The following BCAS3 variants were observed in gnomAD, a reference collection of about 807,000 sequenced individuals.
BCAS3 encodes the protein BCAS4/BCAS3 fusion.
In BCAS3, 53 loss-of-function variants were observed where a neutral mutation model predicts 116.1. That is an observed-to-expected ratio of 0.46 (90% CI 0.37 to 0.57). The LOEUF (loss-of-function observed/expected upper bound fraction) is 0.57, where lower values mean the gene tolerates loss of function less well. Among genes scored for constraint, BCAS3 ranks in the 20% least tolerant of loss-of-function variants. The probability of loss-of-function intolerance (pLI) is 0.00; values close to 1 mark genes in which losing one functional copy is unlikely to be tolerated. For missense variants in BCAS3, 917 were observed against 1,165.4 expected, an observed-to-expected ratio of 0.79 and a Z score of 3.10; for synonymous variants, 391 against 408.2, an observed-to-expected ratio of 0.96 and a Z score of 0.51.
intron 10 of BCAS3, among the ~76,000 whole-genome samples, chr17:60,890,387 G>C (rs528705382): frequency 1.3e-5 from 2 of 152,164 alleles, no homozygotes; most frequent in Non-Finnish European, 2.9e-5. Flanking sequence ...CTGGGAAGTG[G>C]AGGTTGTGGT....
rs1315403565 is a variant in BCAS3 at position 60,947,203 on chromosome 17, G to C, written c.1088-16G>C. On this transcript the variant is annotated splice_polypyrimidine_tract_variant and intron_variant, in intron 13 of 23. Transcript: ENST00000407086. ...ATAATCATTTTTATTTTTACCCTTT[G>C]TTTTTTGTCTTCCAGGAATGCTTCT... The C allele has an allele frequency of 6.2e-7, 1 of 1,601,710 alleles. No homozygotes were observed. The highest frequency in any genetic ancestry group is 1.3e-5 in the African/African-American group (1 of 74,398).
intron 22 of BCAS3, among the ~76,000 whole-genome samples, chr17:61,350,444 A>ATAAATAAG (rs1487131911): frequency 6.6e-6 from 1 of 151,090 alleles, no homozygotes; most frequent in Non-Finnish European, 1.5e-5. Context: ...AAATAAATAA[A>ATAAATAAG]TAAATAAATA....
intron 5 of BCAS3, among the ~76,000 whole-genome samples, chr17:60,734,443 T>C (rs2040767721): frequency 6.6e-6 from 1 of 152,218 alleles, no homozygotes; most frequent in Non-Finnish European, 1.5e-5. Context: ...TATATTATTT[T>C]TTGAGTTTTA....
Position 61,211,400 on chromosome 17 carries a change from A to T in BCAS3, c.2425+126836A>T, listed in dbSNP as rs2081450903. Among the ~76,000 whole-genome samples the T allele has an allele frequency of 6.6e-6, 1 of 152,170 alleles. No individual in the cohort carries two copies. The highest frequency in any genetic ancestry group is 1.5e-5 in the Non-Finnish European group (1 of 68,032). On this transcript the variant is annotated intron_variant, in intron 22 of 23. Coordinates refer to ENST00000407086, the MANE Select transcript of BCAS3 (RefSeq NM_017679.5). The surrounding 1 kb of genome is among the most constrained non-coding windows in gnomAD (Gnocchi z 4.4). Reference sequence around the variant, plus strand: ...TGTGTCCCTTTTGACTTCTTTTGTCATGTCTCTAGTGCAGATTTCCCAGCT... The same window carrying T: ...TGTGTCCCTTTTGACTTCTTTTGTCTTGTCTCTAGTGCAGATTTCCCAGCT...
At chr17:61,329,147 C>T (rs544836265) in intron 22 of BCAS3, among the ~76,000 whole-genome samples, 29 of 151,580 alleles carry the variant, frequency 1.9e-4, no homozygotes, top group Non-Finnish European at 3.1e-4. Flanking sequence ...CAGCCCGCCT[C>T]GGCCTCCCAA....
At position 61,227,689 on chromosome 17, in the gene BCAS3, C is replaced by G. The variant is rs1251887501; in HGVS notation, c.2426-140638C>G. Among the ~76,000 whole-genome samples, 2 of 152,210 alleles carry G rather than the reference C, an allele frequency of 1.3e-5. No individual in the cohort carries two copies. Among genetic ancestry groups the G allele is most frequent in the Non-Finnish European group, 2.9e-5 (2 of 68,040 alleles). ...CACCAGCCCATCAGGTTGGAGCACA[C>G]TCGGGAAAGTTCTTGCTACTCCGAA... On this transcript the variant is annotated intron_variant, in intron 22 of 23. Coordinates refer to ENST00000407086, the MANE Select transcript of BCAS3 (RefSeq NM_017679.5). This position sits in a 1 kb window ranked among gnomAD's most constrained non-coding sequence, Gnocchi z 6.1.
rs575020364 is a variant in BCAS3, at chr17:60,739,503, C to T, written c.322-7695C>T. Among the ~76,000 whole-genome samples, 4 of 152,092 alleles carry T rather than the reference C, an allele frequency of 2.6e-5. No individual in the cohort carries two copies. The East Asian group carries it at 5.8e-4, about 22-fold the overall frequency. On this transcript the variant is annotated intron_variant, in intron 5 of 23. Transcript: ENST00000407086. ...GGTGTAGGGGCAGGCACCTGTAATACCTGCTACTTGGGAGGCTGAGGCAGG... is the reference window on the plus strand; with the variant it reads ...GGTGTAGGGGCAGGCACCTGTAATATCTGCTACTTGGGAGGCTGAGGCAGG...
chr17:60,996,587 G>A (rs931438529), intron 15 of BCAS3, among the ~76,000 whole-genome samples: 3 of 152,148 alleles, frequency 2.0e-5, no homozygotes, highest in Admixed American at 6.5e-5. Flanking sequence ...TTAATATGAT[G>A]TCTTTTTGAC....
intron 22 of BCAS3, among the ~76,000 whole-genome samples, chr17:61,123,475 A>C (rs1048933683): frequency 6.6e-6 from 1 of 152,158 alleles, no homozygotes; most frequent in Admixed American, 6.5e-5. Flanking sequence ...AATAATGATA[A>C]TATATACTAT....
chr17:60,946,658 T>G (rs2060516025), intron 13 of BCAS3, among the ~76,000 whole-genome samples: 1 of 152,118 alleles, frequency 6.6e-6, no homozygotes, highest in Non-Finnish European at 1.5e-5. Context: ...GCCTGTAATC[T>G]CAGAGCTTTG....
intron 12 of BCAS3, among the ~76,000 whole-genome samples, chr17:60,921,928 A>G (rs968634299): frequency 5.9e-5 from 9 of 152,180 alleles, no homozygotes; most frequent in African/African-American, 9.6e-5. Context: ...CATTCACGAT[A>G]AAAGGGTCAA....
intron 6 of BCAS3, among the ~76,000 whole-genome samples, chr17:60,795,272 C>G (rs1239660796): frequency 1.3e-5 from 2 of 152,108 alleles, no homozygotes; most frequent in Non-Finnish European, 1.5e-5. Flanking sequence ...AATTTTATAT[C>G]CGGAAACTTT....
rs1485790481 is a variant in BCAS3, at chr17:61,056,847, T to A, written c.2029+15955T>A. Among the ~76,000 whole-genome samples, 1 of 152,222 alleles carries A rather than the reference T, an allele frequency of 6.6e-6. No individual in the cohort carries two copies. Among genetic ancestry groups the A allele is most frequent in the Non-Finnish European group, 1.5e-5 (1 of 68,032 alleles). ...TGCATCCATGCACAGATTTTTTCTC[T>A]CCAGTTATGGAAAACCTCATAGTTG... On this transcript the variant is annotated intron_variant, in intron 19 of 23. Coordinates refer to ENST00000407086, the MANE Select transcript of BCAS3 (RefSeq NM_017679.5). The surrounding 1 kb of genome is among the most constrained non-coding windows in gnomAD (Gnocchi z 4.9).
At chr17:61,157,702 C>T (rs1251182719) in intron 22 of BCAS3, among the ~76,000 whole-genome samples, 1 of 150,814 alleles carries the variant, frequency 6.6e-6, no homozygotes. Context: ...GGCTCGCCAG[C>T]AGGGCGCCAG....
chr17:60,809,142 A>G (rs1219291277), intron 7 of BCAS3, among the ~76,000 whole-genome samples: 1 of 151,852 alleles, frequency 6.6e-6, no homozygotes, highest in Admixed American at 6.6e-5. Context: ...AAATTAGCCC[A>G]GTGTGGTGGC....
Position 61,322,838 on chromosome 17 carries a change from G to GAGAGAGAGAGAGAGAC in BCAS3, c.2426-45474_2426-45473insCAGAGAGAGAGAGAGA, listed in dbSNP as rs1568850707. ...AGAGAGAGAGAGAGAGACAGAGAGA[G>GAGAGAGAGAGAGAGAC]AGAGAGAGAGAGAGAGACAGAGAGA... is the stretch of plus-strand genomic sequence containing the variant. On this transcript the variant is annotated intron_variant, in intron 22 of 23. Coordinates refer to ENST00000407086, the MANE Select transcript of BCAS3 (RefSeq NM_017679.5). Among the ~76,000 whole-genome samples the GAGAGAGAGAGAGAGAC allele has an allele frequency of 9.4e-4, 131 of 139,144 alleles. 2 individuals are homozygous for GAGAGAGAGAGAGAGAC. The highest frequency in any genetic ancestry group is 6.7e-3 in the East Asian group (33 of 4,928). The allele number at this position is 139,144 out of a possible 152,430, so 91.3% of individuals were successfully genotyped here.
intron 13 of BCAS3, among the ~76,000 whole-genome samples, chr17:60,941,935 T>G (rs2060244818): frequency 6.6e-6 from 1 of 152,338 alleles, no homozygotes; most frequent in Admixed American, 6.5e-5. Context: ...CAAATGCAAA[T>G]TCATCTTATT....
chr17:60,959,188 T>C (rs1404269250), intron 14 of BCAS3, among the ~76,000 whole-genome samples: 5 of 151,886 alleles, frequency 3.3e-5, no homozygotes, highest in Admixed American at 3.3e-4. Flanking sequence ...ATGTCTGTAG[T>C]CCCACCTCCT....
intron 6 of BCAS3, among the ~76,000 whole-genome samples, chr17:60,764,563 GT>G (rs557402910): frequency 1.2e-4 from 18 of 152,300 alleles, no homozygotes; most frequent in African/African-American, 4.3e-4. Context: ...CTGAGAGACA[GT>G]TTGTTGTGAT....
Sources: allele counts gnomAD v4.1 joint callset (sites outside exome capture counted in the v4.1 genomes callset), GRCh38; gene constraint gnomAD v4.1.1; non-coding constraint Gnocchi (gnomAD v3.1); transcripts MANE v1.5; gene names NCBI Gene and HGNC (gene_info 2026-07-23, HGNC 2026-07-21).